CMIP: variants seen among roughly 807,000 people sequenced by gnomAD.
The protein encoded by CMIP is c-Maf inducing protein.
In CMIP, 13 loss-of-function variants were observed where a neutral mutation model predicts 97.3. The observed-to-expected ratio is 0.13, with a 90% CI of 0.09 to 0.21. The LOEUF is 0.21. Ranked by LOEUF, CMIP falls within the 10% of genes least tolerant of loss-of-function variation. The pLI, the probability that CMIP is intolerant of heterozygous loss-of-function variation, is 1.00. For missense variants in CMIP, 847 were observed against 1,024.9 expected (o/e 0.83, Z 2.37); for synonymous variants, 538 against 436.3 (o/e 1.23, Z -2.91).
chr16:81,612,080 T>C (rs752401465), intron 2 of CMIP, among the ~76,000 whole-genome samples: 9 of 152,192 alleles, frequency 5.9e-5, no homozygotes, highest in East Asian at 3.8e-4. Context: ...TAGCATTTCA[T>C]TGTGGGGAGG....
In CMIP at chr16:81,699,154, T is replaced by C. The variant is rs535800223; in HGVS notation, c.1639-531T>C. On this transcript the variant is annotated intron_variant, in intron 14 of 20. Coordinates refer to ENST00000537098, the MANE Select transcript of CMIP (RefSeq NM_198390.3). ...TGTAATCCTAGCTTACTAGGGAGGC[T>C]GAGGTGGGAGGATTGCTTGAACCCA... 3.3e-5 allele frequency among the ~76,000 whole-genome samples: 5 copies of C among 152,228 alleles called. No individual in the cohort carries two copies. The South Asian group carries it at 1.0e-3, about 32-fold the overall frequency.
At chr16:81,564,033 TC>T (rs1174114570) in intron 1 of CMIP, among the ~76,000 whole-genome samples, 2 of 152,264 alleles carry the variant, frequency 1.3e-5, no homozygotes, top group Non-Finnish European at 1.5e-5. Flanking sequence ...TTCTCCCATT[TC>T]GTCCTCTCCT....
intron 2 of CMIP, among the ~76,000 whole-genome samples, chr16:81,607,963 A>C (rs989135916): frequency 6.6e-6 from 1 of 152,224 alleles, no homozygotes; most frequent in East Asian, 1.9e-4. Context: ...AAACCTGATA[A>C]ATAAGTTTTA....
intron 3 of CMIP, among the ~76,000 whole-genome samples, chr16:81,642,544 G>A (rs1352350569): frequency 6.6e-6 from 1 of 152,194 alleles, no homozygotes. Flanking sequence ...GTTGAGGCAC[G>A]GGGACAGGGC....
intron 3 of CMIP, chr16:81,645,301 G>A (rs1382156894): frequency 3.5e-6 from 4 of 1,141,270 alleles, no homozygotes; most frequent in South Asian, 1.7e-5. Context: ...TGCCATGGGC[G>A]CGCCCGTGCA....
chr16:81,657,398 G>C (rs2092495778), intron 4 of CMIP, among the ~76,000 whole-genome samples: 1 of 152,126 alleles, frequency 6.6e-6, no homozygotes, highest in South Asian at 2.1e-4. Context: ...TTATGAACCT[G>C]CCTTCTGGCT....
At chr16:81,654,009 G>A (rs1248073375) in intron 4 of CMIP, among the ~76,000 whole-genome samples, 2 of 152,202 alleles carry the variant, frequency 1.3e-5, no homozygotes, top group African/African-American at 2.4e-5. Context: ...GTTTGTAATG[G>A]AGCTAGAAGT....
At chr16:81,635,467 G>T (rs1466530273) in intron 3 of CMIP, among the ~76,000 whole-genome samples, 10 of 152,154 alleles carry the variant, frequency 6.6e-5, no homozygotes, top group Non-Finnish European at 1.5e-4. Flanking sequence ...AAATCGATAC[G>T]AATTGATCTG....
At chr16:81,480,069 T>G (rs1908166485) in intron 1 of CMIP, among the ~76,000 whole-genome samples, 1 of 152,158 alleles carries the variant, frequency 6.6e-6, no homozygotes, top group Admixed American at 6.5e-5. Context: ...ATGGCTTTGG[T>G]CTGGGGGAGG....
At chr16:81,705,042 C>T (rs1388886076) in intron 18 of CMIP, among the ~76,000 whole-genome samples, 1 of 152,120 alleles carries the variant, frequency 6.6e-6, no homozygotes, top group Non-Finnish European at 1.5e-5. Flanking sequence ...CAGTACTCTG[C>T]ACAGGGCAGA....
chr16:81,691,738 C>A (rs1205285322), intron 10 of CMIP, 37 bp from the exon 11 acceptor site: 6 of 1,593,394 alleles, frequency 3.8e-6, no homozygotes, highest in Non-Finnish European at 5.2e-6. Flanking sequence ...CCTTCCTTGT[C>A]CCAACCAAAG....
intron 1 of CMIP, among the ~76,000 whole-genome samples, chr16:81,537,546 C>CAAAAAAAAAAAAAAAAAA (rs397695977): frequency 1.2e-5 from 1 of 82,086 alleles, no homozygotes; most frequent in African/African-American, 4.4e-5. Context: ...AAAAAAAAGA[C>CAAAAAAAAAAAAAAAAAA]AAAAAAAAAA....
chr16:81,679,395 T>G (rs1267451994), intron 10 of CMIP, among the ~76,000 whole-genome samples: 1 of 152,054 alleles, frequency 6.6e-6, no homozygotes, highest in African/African-American at 2.4e-5. Context: ...GCATGTGTGT[T>G]TCTCTGTATG....
chr16:81,599,777 C>T (rs2091626244), intron 1 of CMIP, among the ~76,000 whole-genome samples: 1 of 152,170 alleles, frequency 6.6e-6, no homozygotes, highest in Admixed American at 6.5e-5. Flanking sequence ...TCCTCTGTAG[C>T]ATGTGGATAA....
intron 6 of CMIP, among the ~76,000 whole-genome samples, chr16:81,662,413 C>A (rs1333504539): frequency 6.6e-6 from 1 of 152,182 alleles, no homozygotes; most frequent in South Asian, 2.1e-4. Context: ...AAAAAGGTAC[C>A]CTTTTTGGCA....
At chr16:81,467,883 CTTTTTTT>C (rs754844403) in intron 1 of CMIP, among the ~76,000 whole-genome samples, 20 of 113,464 alleles carry the variant, frequency 1.8e-4, no homozygotes, top group African/African-American at 5.9e-4. Context: ...GCCTGGCCTT[CTTTTTTT>C]TTTTTTTTTT....
intron 5 of CMIP, 21 bp downstream of exon 5, chr16:81,657,837 C>G (rs1234404421): frequency 6.3e-7 from 1 of 1,593,364 alleles, no homozygotes; most frequent in Non-Finnish European, 8.6e-7. Flanking sequence ...CTCGAACACG[C>G]TCCCTCCACC....
At chr16:81,507,481 A>C (rs2089730714) in intron 1 of CMIP, among the ~76,000 whole-genome samples, 1 of 152,184 alleles carries the variant, frequency 6.6e-6, no homozygotes, top group Non-Finnish European at 1.5e-5. Context: ...TAATTTAACT[A>C]ATATATAATT....
rs564519987 is a variant in CMIP at position 81,540,317 on chromosome 16, C to A, written c.301-67250C>A. Among the ~76,000 whole-genome samples, 227 of 152,296 alleles carry A rather than the reference C, an allele frequency of 1.5e-3. 1 individual carries two copies. Among genetic ancestry groups the A allele is most frequent in the Non-Finnish European group, 2.7e-3 (187 of 68,018 alleles). ...CTCTGATCCGTGAGATGGGCTTGCT[C>A]ACCCTGGCTGAGTCTCACTTTGTTG... is the stretch of plus-strand genomic sequence containing the variant. On this transcript the variant is annotated intron_variant, in intron 1 of 20. Transcript: ENST00000537098.
Sources: allele counts gnomAD v4.1 joint callset (sites outside exome capture counted in the v4.1 genomes callset), GRCh38; gene constraint gnomAD v4.1.1; transcripts MANE v1.5; gene names NCBI Gene and HGNC (gene_info 2026-07-23, HGNC 2026-07-21).